CADM2: variants seen among roughly 807,000 people sequenced by gnomAD.
CADM2 encodes immunoglobulin superfamily member 4D.
A neutral mutation model predicts 49.8 loss-of-function variants in CADM2; 12 were observed. The ratio of observed to expected loss-of-function variants is 0.24; its 90% CI spans 0.15 to 0.39. The LOEUF (loss-of-function observed/expected upper bound fraction) is 0.39, where lower values mean the gene tolerates loss of function less well. Among genes scored for constraint, CADM2 ranks in the 10% least tolerant of loss-of-function variants. The pLI, the probability that CADM2 is intolerant of heterozygous loss-of-function variation, is 1.00. For missense variants in CADM2, 378 were observed against 492.3 expected (o/e 0.77, Z 2.20); for synonymous variants, 214 against 175.4 (o/e 1.22, Z -1.74).
At chr3:85,228,631 G>C (rs1180668646) in intron 1 of CADM2, among the ~76,000 whole-genome samples, 3 of 151,874 alleles carry the variant, frequency 2.0e-5, no homozygotes, top group Non-Finnish European at 4.4e-5. Context: ...GTGTTTGCCT[G>C]GGTATCACCT....
chr3:85,944,048 C>A (rs1438876457), intron 7 of CADM2, among the ~76,000 whole-genome samples: 1 of 151,962 alleles, frequency 6.6e-6, no homozygotes, highest in Non-Finnish European at 1.5e-5. Flanking sequence ...TAGAGACACA[C>A]ATAGGCTCAA....
intron 1 of CADM2, among the ~76,000 whole-genome samples, chr3:85,343,067 A>C (rs1226133806): frequency 6.6e-6 from 1 of 152,130 alleles, no homozygotes; most frequent in Non-Finnish European, 1.5e-5. Flanking sequence ...AACTTTTGGC[A>C]ATGTCTGGAA....
At chr3:85,271,720 A>T (rs149406522) in intron 1 of CADM2, among the ~76,000 whole-genome samples, 196 of 151,218 alleles carry the variant, frequency 1.3e-3, no homozygotes, top group African/African-American at 4.2e-3. Flanking sequence ...ATTAAAAAAA[A>T]ATAAGTAAAA....
rs35319709 is a variant in CADM2, at chr3:85,476,897, AACACACACACACACAC to A, written c.62-249609_62-249594del. ...AATATAGTTAATAGCAAAGATTTTA[AACACACACACACACAC>A]ACACACACACACACAGATCTATTTT... On this transcript the variant is annotated intron_variant, in intron 1 of 9. Transcript: ENST00000383699. 2.3e-4 allele frequency among the ~76,000 whole-genome samples: 34 copies of A among 146,016 alleles called. No homozygotes were observed. The South Asian group carries it at 5.2e-3, about 23-fold the overall frequency.
At chr3:85,212,830 CTTTCTTTCTTTCTTTCT>C (rs2041815356) in intron 1 of CADM2, among the ~76,000 whole-genome samples, 2 of 99,766 alleles carry the variant, frequency 2.0e-5, no homozygotes, top group Non-Finnish European at 2.0e-5. Flanking sequence ...TTCTTTCTTT[CTTTCTTTCTTTCTTTCT>C]TTCTTTCTTT....
chr3:85,561,668 A>G (rs2062097815), intron 1 of CADM2, among the ~76,000 whole-genome samples: 1 of 152,212 alleles, frequency 6.6e-6, no homozygotes, highest in Admixed American at 6.5e-5. Context: ...ATGAGCAGCT[A>G]TTGCTCTAGG....
intron 1 of CADM2, among the ~76,000 whole-genome samples, chr3:85,148,703 T>C (rs1254632145): frequency 6.6e-6 from 1 of 152,192 alleles, no homozygotes; most frequent in African/African-American, 2.4e-5. Flanking sequence ...ATTAATAACA[T>C]AAACAGTTGG....
intron 7 of CADM2, among the ~76,000 whole-genome samples, chr3:85,950,048 A>G (rs1182702956): frequency 6.6e-6 from 1 of 151,170 alleles, no homozygotes; most frequent in Non-Finnish European, 1.5e-5. Context: ...CATTATGAAA[A>G]CACGAAAATA....
At chr3:85,356,979 T>G (rs2031914692) in intron 1 of CADM2, among the ~76,000 whole-genome samples, 1 of 152,126 alleles carries the variant, frequency 6.6e-6, no homozygotes, top group Non-Finnish European at 1.5e-5. Context: ...GTATGAAGAT[T>G]AGTTGGTACC....
chr3:85,439,441 C>G lies in CADM2; in HGVS notation c.62-287081C>G, dbSNP rs1195334613. 2.0e-5 allele frequency among the ~76,000 whole-genome samples: 3 copies of G among 152,050 alleles called. No homozygotes were observed. In the East Asian group the frequency reaches 5.8e-4, roughly 29 times the overall value. ...GTGCTGGGATTACAGGTGTAAGCCACTGTGCCCGGCCAATGACTTGATTTT... is the reference window on the plus strand; with the variant it reads ...GTGCTGGGATTACAGGTGTAAGCCAGTGTGCCCGGCCAATGACTTGATTTT... On this transcript the variant is annotated intron_variant, in intron 1 of 9. Coordinates refer to ENST00000383699, the MANE Select transcript of CADM2 (RefSeq NM_001167675.2).
chr3:85,107,610 TTTC>T (rs2107560648), intron 1 of CADM2, among the ~76,000 whole-genome samples: 1 of 136,456 alleles, frequency 7.3e-6, no homozygotes, highest in African/African-American at 2.6e-5. Flanking sequence ...TCTCTTTCTT[TTTC>T]TTTCTTTCTT....
chr3:85,255,188 C>T (rs531652394), intron 1 of CADM2, among the ~76,000 whole-genome samples: 11 of 152,050 alleles, frequency 7.2e-5, no homozygotes, highest in South Asian at 2.1e-4. Flanking sequence ...TCTTTGATTC[C>T]GTACACTCCT....
At chr3:85,190,488 T>A (rs567632407) in intron 1 of CADM2, among the ~76,000 whole-genome samples, 68 of 152,290 alleles carry the variant, frequency 4.5e-4, no homozygotes, top group African/African-American at 1.6e-3. Context: ...TATAGTGTTA[T>A]GAAACTCTAT....
At chr3:85,250,888 A>G (rs771611317) in intron 1 of CADM2, among the ~76,000 whole-genome samples, 1 of 151,784 alleles carries the variant, frequency 6.6e-6, no homozygotes, top group Admixed American at 6.6e-5. Context: ...AATAGCTTAC[A>G]TAGAGAACAA....
intron 5 of CADM2, among the ~76,000 whole-genome samples, chr3:85,908,801 T>C (rs1717165121): frequency 6.6e-6 from 1 of 151,842 alleles, no homozygotes; most frequent in Non-Finnish European, 1.5e-5. Context: ...CTCTGCTCAC[T>C]GCAACCTCCA....
chr3:85,156,151 C>T (rs1219333855), intron 1 of CADM2, among the ~76,000 whole-genome samples: 1 of 151,306 alleles, frequency 6.6e-6, no homozygotes, highest in South Asian at 2.1e-4. Flanking sequence ...AATAGAGACA[C>T]AAAAAGCCCT....
At chr3:85,846,665 A>T (rs931009014) in intron 3 of CADM2, among the ~76,000 whole-genome samples, 1 of 152,102 alleles carries the variant, frequency 6.6e-6, no homozygotes, top group Non-Finnish European at 1.5e-5. Flanking sequence ...CCAGGAGTTT[A>T]AGACCAGCCT....
chr3:85,666,769 T>A (rs1438307473), intron 1 of CADM2, among the ~76,000 whole-genome samples: 1 of 151,618 alleles, frequency 6.6e-6, no homozygotes, highest in Non-Finnish European at 1.5e-5. Flanking sequence ...AAGGAGAACA[T>A]CAGAGAGTGA....
At chr3:85,026,191 G>T (rs1400870293) in intron 1 of CADM2, among the ~76,000 whole-genome samples, 1 of 152,008 alleles carries the variant, frequency 6.6e-6, no homozygotes, top group Non-Finnish European at 1.5e-5. Context: ...AAATGTCTTT[G>T]TGAGTTATAC....
Sources: gnomAD v4.1 joint callset for allele counts (sites outside exome capture counted in the v4.1 genomes callset) on GRCh38, gnomAD v4.1.1 for gene constraint, MANE v1.5 for transcripts, NCBI Gene and HGNC (gene_info 2026-07-23, HGNC 2026-07-21) for gene names.